EXT1: variants seen among roughly 807,000 people sequenced by gnomAD.
EXT1 encodes exostosin-1.
A neutral mutation model predicts 82.5 loss-of-function variants in EXT1; 20 were observed. That is an observed-to-expected ratio of 0.24 (90% CI 0.17 to 0.35). EXT1 has a LOEUF of 0.35. EXT1 is among the 10% of genes least tolerant of loss of function. EXT1 has a pLI of 1.00. For synonymous variants in EXT1, 348 were observed against 350.8 expected, an observed-to-expected ratio of 0.99 and a Z score of 0.09; for missense variants, 757 against 936.5, an observed-to-expected ratio of 0.81 and a Z score of 2.50.
At chr8:117,871,891 G>C (rs891341501) in intron 1 of EXT1, among the ~76,000 whole-genome samples, 3 of 152,152 alleles carry the variant, frequency 2.0e-5, no homozygotes, top group African/African-American at 7.2e-5. Context: ...GTGGGAGGCT[G>C]AGGCAAGACG....
intron 1 of EXT1, among the ~76,000 whole-genome samples, chr8:117,892,008 T>C (rs930220318): frequency 3.9e-5 from 6 of 152,024 alleles, no homozygotes; most frequent in Admixed American, 1.3e-4. Flanking sequence ...GGTTTCACCA[T>C]GTTGGTCAGG....
intron 3 of EXT1, among the ~76,000 whole-genome samples, chr8:117,831,300 A>C (rs754457721): frequency 6.6e-6 from 1 of 152,230 alleles, no homozygotes; most frequent in Non-Finnish European, 1.5e-5. Context: ...CTAAGGTTTT[A>C]ATGATGATTA....
intron 1 of EXT1, among the ~76,000 whole-genome samples, chr8:117,860,146 C>CAAAAAAAAAAAAA (rs34399339): frequency 5.2e-5 from 4 of 76,892 alleles, no homozygotes; most frequent in Non-Finnish European, 6.9e-5. Flanking sequence ...GATTCTATCT[C>CAAAAAAAAAAAAA]AAAAAAAAAA....
chr8:118,095,163 G>A (rs985886821), intron 1 of EXT1, among the ~76,000 whole-genome samples: 1 of 152,116 alleles, frequency 6.6e-6, no homozygotes. Flanking sequence ...ATCCAAGGGG[G>A]CTCATTTCTT....
intron 1 of EXT1, among the ~76,000 whole-genome samples, chr8:117,910,036 G>A (rs1473895449): frequency 1.3e-5 from 2 of 152,034 alleles, no homozygotes; most frequent in Admixed American, 1.3e-4. Context: ...CCAAAGCGTT[G>A]GGATTACAGG....
intron 1 of EXT1, among the ~76,000 whole-genome samples, chr8:118,019,785 G>A (rs565080103): frequency 6.6e-6 from 1 of 152,294 alleles, no homozygotes; most frequent in South Asian, 2.1e-4. Context: ...AAATAACTCT[G>A]ACCAAAGTTA....
intron 1 of EXT1, among the ~76,000 whole-genome samples, chr8:117,979,813 T>C (rs1480178801): frequency 1.3e-5 from 2 of 152,162 alleles, no homozygotes; most frequent in Non-Finnish European, 2.9e-5. Context: ...CAAGACAGCA[T>C]TTATTTGGAC....
chr8:118,037,540 T>G (rs1371940230), intron 1 of EXT1, among the ~76,000 whole-genome samples: 1 of 152,096 alleles, frequency 6.6e-6, no homozygotes, highest in Non-Finnish European at 1.5e-5. Flanking sequence ...TCCCCTCTTA[T>G]GACAAACTGA....
intron 1 of EXT1, among the ~76,000 whole-genome samples, chr8:117,949,270 A>G (rs1205902325): frequency 1.3e-5 from 2 of 152,182 alleles, no homozygotes; most frequent in African/African-American, 2.4e-5. Context: ...AATAAAAGGC[A>G]GTTGAAACCA....
chr8:118,053,247 C>T (rs545914442), intron 1 of EXT1, among the ~76,000 whole-genome samples: 73 of 152,222 alleles, frequency 4.8e-4, no homozygotes, highest in African/African-American at 1.7e-3. Flanking sequence ...GTTCTAAGCC[C>T]TTTTGTGGTC....
At chr8:117,893,892 A>G (rs991618325) in intron 1 of EXT1, among the ~76,000 whole-genome samples, 31 of 152,202 alleles carry the variant, frequency 2.0e-4, no homozygotes, top group Admixed American at 1.6e-3. Flanking sequence ...AAGAATCCCC[A>G]CGCTGGTTAT....
chr8:117,888,931 C>T (rs1175941908), intron 1 of EXT1, among the ~76,000 whole-genome samples: 1 of 152,216 alleles, frequency 6.6e-6, no homozygotes, highest in African/African-American at 2.4e-5. Context: ...CTCAATCTTT[C>T]TCGCTGATGC....
chr8:117,891,430 T>C (rs1275470545), intron 1 of EXT1, among the ~76,000 whole-genome samples: 2 of 152,212 alleles, frequency 1.3e-5, no homozygotes, highest in African/African-American at 4.8e-5. Context: ...TACTGTCACT[T>C]ACCCTGCTCT....
At chr8:117,990,666 G>A (rs2129787113) in intron 1 of EXT1, among the ~76,000 whole-genome samples, 1 of 152,348 alleles carries the variant, frequency 6.6e-6, no homozygotes, top group East Asian at 1.9e-4. Context: ...CTTCCTTGAA[G>A]TCTTGGGCAT....
chr8:117,830,084 A>G (rs1321020736), intron 4 of EXT1, 146 bp downstream of exon 4: 6 of 998,776 alleles, frequency 6.0e-6, no homozygotes, highest in East Asian at 2.6e-5. Context: ...CAAAGCAGGT[A>G]AAAGAGGTTA....
At chr8:117,802,315 AAAAATATTTTT>A (rs1378839333) in intron 10 of EXT1, among the ~76,000 whole-genome samples, 2 of 152,204 alleles carry the variant, frequency 1.3e-5, no homozygotes, top group African/African-American at 4.8e-5. Context: ...CTCTGAGTAA[AAAAATATTTTT>A]AAAATGTCAT....
intron 3 of EXT1, among the ~76,000 whole-genome samples, chr8:117,834,583 C>T (rs13271710): frequency 0.25 from 38,344 of 150,624 alleles, 4,902 homozygotes; most frequent in African/African-American, 0.28. Context: ...CCAGCCTGGG[C>T]GACAGAGTGA....
At chr8:117,858,086 A>C (rs561566109) in intron 1 of EXT1, among the ~76,000 whole-genome samples, 5 of 152,360 alleles carry the variant, frequency 3.3e-5, no homozygotes, top group African/African-American at 1.2e-4. Context: ...ATTGCTTCTT[A>C]TGGATGAGCA....
chr8:118,076,008 A>C (rs745681963), intron 1 of EXT1, among the ~76,000 whole-genome samples: 2 of 152,176 alleles, frequency 1.3e-5, no homozygotes, highest in Non-Finnish European at 2.9e-5. Context: ...GAGAAAACAA[A>C]TACATACATG....
Sources: gnomAD v4.1 joint callset for allele counts (sites outside exome capture counted in the v4.1 genomes callset) on GRCh38, gnomAD v4.1.1 for gene constraint, MANE v1.5 for transcripts, NCBI Gene and HGNC (gene_info 2026-07-23, HGNC 2026-07-21) for gene names.